Variants in IKZF3 observed in about 807,000 individuals in gnomAD.
IKZF3 encodes the protein zinc finger protein Aiolos.
Under a neutral mutation model 49.0 loss-of-function variants are expected in IKZF3, and 10 were observed. The ratio of observed to expected loss-of-function variants is 0.20; its 90% CI spans 0.13 to 0.35. The LOEUF (loss-of-function observed/expected upper bound fraction) is 0.35, where lower values mean the gene tolerates loss of function less well. IKZF3 is among the 10% of genes least tolerant of loss of function. IKZF3 has a pLI of 1.00. For synonymous variants in IKZF3, 209 were observed against 228.2 expected (o/e 0.92, Z 0.76); for missense variants, 498 against 664.8 (o/e 0.75, Z 2.76).
At position 39,760,549 on chromosome 17, in the gene IKZF3, C is replaced by A. The variant is rs2060159042; in HGVS notation, c.*5241G>T. 1.3e-5 allele frequency: 2 copies of A among 152,320 alleles called. No individual in the cohort carries two copies. Among genetic ancestry groups the A allele is most frequent in the South Asian group, 4.1e-4 (2 of 4,826 alleles). 9.4% of individuals were successfully genotyped at this position (152,320 alleles called of 1,614,324 possible). A position where few individuals can be genotyped will look rare whatever the true frequency, so the allele number is the denominator to read the frequency against. ...ATGTTGGTCAGGCTGGTCTCGAACTCCCAAACTCAGGTGATCCGCCCGCCT... is the reference window on the plus strand; with the variant it reads ...ATGTTGGTCAGGCTGGTCTCGAACTACCAAACTCAGGTGATCCGCCCGCCT... On this transcript the variant is annotated 3_prime_UTR_variant, in exon 8 of 8. Coordinates refer to ENST00000346872, the MANE Select transcript of IKZF3 (RefSeq NM_012481.5).
intron 3 of IKZF3, among the ~76,000 whole-genome samples, chr17:39,803,047 T>C (rs932243271): frequency 6.6e-6 from 1 of 152,120 alleles, no homozygotes; most frequent in African/African-American, 2.4e-5. Flanking sequence ...GCTTCCCCAT[T>C]AGAAGAAGAG....
At chr17:39,833,606 T>A (rs189015592) in intron 1 of IKZF3, among the ~76,000 whole-genome samples, 38 of 152,372 alleles carry the variant, frequency 2.5e-4, no homozygotes, top group Non-Finnish European at 1.0e-4. Context: ...AGTAGTTCAT[T>A]CTTTTTTATT....
At chr17:39,823,408 GA>G (rs939688361) in intron 3 of IKZF3, among the ~76,000 whole-genome samples, 3 of 151,958 alleles carry the variant, frequency 2.0e-5, no homozygotes, top group Admixed American at 2.0e-4. Flanking sequence ...TTTGCAGCCT[GA>G]CAATGTGATA....
At chr17:39,849,709 G>A (rs1037221162) in intron 1 of IKZF3, among the ~76,000 whole-genome samples, 3 of 151,862 alleles carry the variant, frequency 2.0e-5, no homozygotes, top group South Asian at 4.1e-4. Flanking sequence ...AACCTTAGAC[G>A]CTTCAGGAAA....
intron 1 of IKZF3, among the ~76,000 whole-genome samples, chr17:39,833,575 A>G (rs2144325025): frequency 6.6e-6 from 1 of 152,324 alleles, no homozygotes; most frequent in East Asian, 1.9e-4. Context: ...TTTGAGATAC[A>G]TCCATTCTGT....
chr17:39,796,048 GATAAA>G (rs1262133945), intron 3 of IKZF3, among the ~76,000 whole-genome samples: 1 of 151,784 alleles, frequency 6.6e-6, no homozygotes, highest in Non-Finnish European at 1.5e-5. Flanking sequence ...TCTCAAAAAA[GATAAA>G]ATAAAATAAA....
chr17:39,824,112 C>CA (rs1445667977), intron 3 of IKZF3, among the ~76,000 whole-genome samples: 5 of 152,210 alleles, frequency 3.3e-5, no homozygotes, highest in Non-Finnish European at 5.9e-5. Flanking sequence ...GCCACAGGGG[C>CA]GGAGCTGCCC....
intron 3 of IKZF3, among the ~76,000 whole-genome samples, chr17:39,826,411 T>TCAAACAAA (rs2061957354): frequency 6.6e-6 from 1 of 152,124 alleles, no homozygotes; most frequent in Non-Finnish European, 1.5e-5. Context: ...TTAAAGAAGG[T>TCAAACAAA]AAAAACAAAT....
In IKZF3 at chr17:39,777,720, C is replaced by T. The variant is rs1205420087; in HGVS notation, c.757G>A (p.Ala253Thr). The change falls in exon 7 of 8, where the codon GCT becomes ACT. Residue 253 changes from alanine (A) to threonine (T), a missense_variant. Coordinates refer to ENST00000346872, the MANE Select transcript of IKZF3 (RefSeq NM_012481.5). Reference sequence around the variant, plus strand: ...CTTGCTAATCTGTCCAGTACGAGAGCTCTTTCACTTCCCATCTCTGCTTTG... The same window carrying T: ...CTTGCTAATCTGTCCAGTACGAGAGTTCTTTCACTTCCCATCTCTGCTTTG... ...HIKAEMGSER[A>T]LVLDRLASNV... The T allele has an allele frequency of 3.1e-6, 5 of 1,613,792 alleles. No individual in the cohort carries two copies. In the African/African-American group the frequency reaches 4.0e-5, roughly 13 times the overall value.
At chr17:39,821,645 C>T (rs750699407) in intron 3 of IKZF3, among the ~76,000 whole-genome samples, 28 of 152,006 alleles carry the variant, frequency 1.8e-4, no homozygotes, top group Non-Finnish European at 2.9e-4. Context: ...TTGGGTTGGA[C>T]CTTGATGCTG....
Position 39,829,457 on chromosome 17 carries a change from T to C in IKZF3, c.93A>G (p.Leu31=). 2 of 1,614,008 alleles carry C rather than the reference T, an allele frequency of 1.2e-6. No individual in the cohort carries two copies. Among genetic ancestry groups the C allele is most frequent in the Non-Finnish European group, 1.7e-6 (2 of 1,179,844 alleles). ...CATTTTCCATTTCATGAGATTTGGT[T>C]AAACTGTAGTCATTCAAAACCGCTG... ...ESAAVLNDYS[L]TKSHEMENVD... Residue 31 remains leucine (L), a synonymous_variant, in exon 3 of 8, where the codon TTA becomes TTG. Transcript: ENST00000346872.
At chr17:39,848,589 A>T (rs2062702835) in intron 1 of IKZF3, among the ~76,000 whole-genome samples, 1 of 152,256 alleles carries the variant, frequency 6.6e-6, no homozygotes, top group Non-Finnish European at 1.5e-5. Context: ...ATTAATTTGA[A>T]GTGGGTAACA....
chr17:39,785,208 G>A (rs1366164422), intron 6 of IKZF3, among the ~76,000 whole-genome samples: 2 of 152,162 alleles, frequency 1.3e-5, no homozygotes, highest in Non-Finnish European at 2.9e-5. Flanking sequence ...TAAATATTCT[G>A]TAAATTTTGG....
At chr17:39,777,931 G>C in intron 6 of IKZF3, 164 bp from the exon 7 acceptor site, 1 of 1,340,958 alleles carries the variant, frequency 7.5e-7, no homozygotes, top group South Asian at 1.9e-5. Flanking sequence ...GCTGTGGTCA[G>C]TGAAGCCGAC....
chr17:39,861,708 T>C (rs754765087), intron 1 of IKZF3, among the ~76,000 whole-genome samples: 11 of 152,040 alleles, frequency 7.2e-5, no homozygotes, highest in Non-Finnish European at 1.6e-4. Context: ...GTAAGAAATA[T>C]AAGCTGACAT....
chr17:39,850,695 A>ATG (rs2062824428), intron 1 of IKZF3, among the ~76,000 whole-genome samples: 7 of 123,408 alleles, frequency 5.7e-5, no homozygotes, highest in East Asian at 2.2e-4. Flanking sequence ...CATATTATAT[A>ATG]TACATTATAT....
intron 1 of IKZF3, among the ~76,000 whole-genome samples, chr17:39,846,669 C>A (rs937491185): frequency 3.3e-5 from 5 of 151,830 alleles, no homozygotes; most frequent in Non-Finnish European, 5.9e-5. Context: ...TGAAGAAAAT[C>A]AAATATTTAC....
At chr17:39,850,381 AAT>A (rs932496505) in intron 1 of IKZF3, among the ~76,000 whole-genome samples, 1 of 135,450 alleles carries the variant, frequency 7.4e-6, no homozygotes, top group African/African-American at 2.7e-5. Context: ...ATGTATATAT[AAT>A]ATATAGCATA....
At chr17:39,817,848 C>G (rs537465241) in intron 3 of IKZF3, among the ~76,000 whole-genome samples, 1 of 152,120 alleles carries the variant, frequency 6.6e-6, no homozygotes, top group Admixed American at 6.6e-5. Context: ...AGTAGTCCCC[C>G]CTTATTCACA....
Sources: gnomAD v4.1 joint callset for allele counts (sites outside exome capture counted in the v4.1 genomes callset) on GRCh38, gnomAD v4.1.1 for gene constraint, MANE v1.5 for transcripts, NCBI Gene and HGNC (gene_info 2026-07-23, HGNC 2026-07-21) for gene names.